Variants in ST18 observed in about 807,000 individuals in gnomAD.
ST18 encodes suppression of tumorigenicity 18 protein.
A neutral mutation model predicts 110.0 loss-of-function variants in ST18; 50 were observed. The ratio of observed to expected loss-of-function variants is 0.45; its 90% CI spans 0.36 to 0.58. The LOEUF is 0.58. Ranked by LOEUF, ST18 falls within the 20% of genes least tolerant of loss-of-function variation. ST18 has a pLI of 0.00. For synonymous variants in ST18, 461 were observed against 452.4 expected, an observed-to-expected ratio of 1.02 and a Z score of -0.24; for missense variants, 1,306 against 1,280.1, an observed-to-expected ratio of 1.02 and a Z score of -0.31.
intron 15 of ST18, among the ~76,000 whole-genome samples, chr8:52,152,360 C>T (rs1242640995): frequency 6.6e-6 from 1 of 152,186 alleles, no homozygotes; most frequent in Admixed American, 6.5e-5. Flanking sequence ...GAGGGAGGGG[C>T]TGGGGAAGCT....
chr8:52,131,423 G>A (rs10097049), intron 22 of ST18, among the ~76,000 whole-genome samples: 47,435 of 151,828 alleles, frequency 0.31, 11,057 homozygotes, highest in African/African-American at 0.67. Context: ...TCACTGGGAA[G>A]CTATAAAAGG....
intron 2 of ST18, among the ~76,000 whole-genome samples, chr8:52,367,236 T>TCACACACAAACACACA (rs1554851171): frequency 1.7e-5 from 2 of 120,190 alleles, no homozygotes; most frequent in African/African-American, 6.1e-5. Flanking sequence ...GGACCCTGTC[T>TCACACACAAACACACA]CACACACACA....
At chr8:52,303,076 C>T (rs1445278561) in intron 2 of ST18, among the ~76,000 whole-genome samples, 3 of 152,052 alleles carry the variant, frequency 2.0e-5, no homozygotes, top group African/African-American at 7.2e-5. Context: ...CAGATACTGC[C>T]TTGTGTTAGT....
chr8:52,211,509 C>T (rs1476199929), intron 8 of ST18, among the ~76,000 whole-genome samples: 1 of 151,700 alleles, frequency 6.6e-6, no homozygotes, highest in Non-Finnish European at 1.5e-5. Flanking sequence ...CGGGTTCAAG[C>T]AATTCTCCTG....
intron 2 of ST18, among the ~76,000 whole-genome samples, chr8:52,270,700 A>C (rs1337861875): frequency 6.6e-6 from 1 of 152,128 alleles, no homozygotes; most frequent in Non-Finnish European, 1.5e-5. Context: ...AAGAAAAAAA[A>C]GTAGGTAAGT....
rs1424287941 is a variant in ST18 at position 52,241,084 on chromosome 8, T to C, written c.-464-11007A>G. Among the ~76,000 whole-genome samples the C allele has an allele frequency of 2.6e-5, 4 of 152,376 alleles. No homozygotes were observed. In the East Asian group the frequency reaches 7.7e-4, roughly 29 times the overall value. On this transcript the variant is annotated intron_variant, in intron 2 of 25. Coordinates refer to ENST00000689386, the MANE Select transcript of ST18 (RefSeq NM_001352837.2). ...TAATCCAAACCAGAAGCCTGTCATT[T>C]ATGACTCTTTACCAGTTTTCAAATG...
At chr8:52,397,059 A>G (rs1330472040) in intron 2 of ST18, among the ~76,000 whole-genome samples, 1 of 152,160 alleles carries the variant, frequency 6.6e-6, no homozygotes, top group East Asian at 1.9e-4. Context: ...AAACCTCCAT[A>G]CTGTTTTTCA....
chr8:52,184,909 C>T (rs1393472868), intron 8 of ST18, among the ~76,000 whole-genome samples: 1 of 151,948 alleles, frequency 6.6e-6, no homozygotes, highest in Non-Finnish European at 1.5e-5. Context: ...GACAGAATAC[C>T]ACAGATTCAT....
intron 10 of ST18, chr8:52,171,570 T>G (rs1387642235): frequency 3.1e-6 from 2 of 648,626 alleles, no homozygotes; most frequent in African/African-American, 1.8e-5. Context: ...TCAATGAACC[T>G]TTTTTCATGT....
intron 12 of ST18, among the ~76,000 whole-genome samples, chr8:52,164,427 A>G (rs1006729005): frequency 6.6e-6 from 1 of 152,248 alleles, no homozygotes; most frequent in African/African-American, 2.4e-5. Flanking sequence ...AGAAGTTAGC[A>G]TAACTCCTTG....
intron 2 of ST18, among the ~76,000 whole-genome samples, chr8:52,286,014 T>C (rs2095466720): frequency 6.6e-6 from 1 of 152,202 alleles, no homozygotes; most frequent in East Asian, 1.9e-4. Flanking sequence ...ATTCCAGACA[T>C]TTATTTTTTT....
At chr8:52,204,821 T>C in intron 8 of ST18, among the ~76,000 whole-genome samples, 1 of 152,192 alleles carries the variant, frequency 6.6e-6, no homozygotes, top group East Asian at 1.9e-4. Context: ...TTTAGAGATG[T>C]TAGTGCCTTA....
intron 2 of ST18, among the ~76,000 whole-genome samples, chr8:52,288,794 A>G (rs2095509817): frequency 6.6e-6 from 1 of 152,182 alleles, no homozygotes; most frequent in South Asian, 2.1e-4. Context: ...ACCCACAAAC[A>G]TCAAAAAAAT....
intron 2 of ST18, chr8:52,301,836 T>C (rs1023411287): frequency 6.6e-6 from 1 of 152,202 alleles, no homozygotes; most frequent in African/African-American, 2.4e-5. Context: ...TCCTCATTTC[T>C]TTCCTTCCTT....
At chr8:52,288,745 C>T (rs1362618760) in intron 2 of ST18, among the ~76,000 whole-genome samples, 1 of 151,306 alleles carries the variant, frequency 6.6e-6, no homozygotes, top group Non-Finnish European at 1.5e-5. Context: ...GTATTAATGT[C>T]ACCAGAAAAC....
At chr8:52,137,352 G>A (rs528973132) in intron 18 of ST18, 69 bp downstream of exon 18, 6 of 1,521,248 alleles carry the variant, frequency 3.9e-6, no homozygotes, top group Admixed American at 1.7e-5. Context: ...TGGATAGAAA[G>A]GGTGAGAATA....
chr8:52,285,841 C>T (rs1196314273), intron 2 of ST18, among the ~76,000 whole-genome samples: 1 of 152,152 alleles, frequency 6.6e-6, no homozygotes, highest in East Asian at 1.9e-4. Flanking sequence ...AATCAAAATG[C>T]CACTTTTGAG....
At chr8:52,358,616 T>C (rs1359964762) in intron 2 of ST18, among the ~76,000 whole-genome samples, 3 of 151,890 alleles carry the variant, frequency 2.0e-5, no homozygotes, top group Non-Finnish European at 2.9e-5. Context: ...GAAACATTTC[T>C]AGAAACACAC....
chr8:52,264,683 C>T (rs2094810966), intron 2 of ST18, among the ~76,000 whole-genome samples: 1 of 152,014 alleles, frequency 6.6e-6, no homozygotes, highest in Non-Finnish European at 1.5e-5. Context: ...ATTTTAAGTG[C>T]AAGAAATTGA....
Sources: allele counts gnomAD v4.1 joint callset (sites outside exome capture counted in the v4.1 genomes callset), GRCh38; gene constraint gnomAD v4.1.1; transcripts MANE v1.5; gene names NCBI Gene and HGNC (gene_info 2026-07-23, HGNC 2026-07-21).